KIFAP3: variants seen among roughly 807,000 people sequenced by gnomAD.
KIFAP3 encodes kinesin-associated protein 3.
In KIFAP3, 68 loss-of-function variants were observed where a neutral mutation model predicts 106.5. That is an observed-to-expected ratio of 0.64 (90% CI 0.53 to 0.78). The LOEUF is 0.78. Ranked by LOEUF, KIFAP3 falls within the 30% of genes least tolerant of loss-of-function variation. The pLI, the probability that KIFAP3 is intolerant of heterozygous loss-of-function variation, is 0.00. For missense variants in KIFAP3, 780 were observed against 941.8 expected (o/e 0.83, Z 2.25); for synonymous variants, 320 against 311.5 (o/e 1.03, Z -0.29).
At chr1:169,973,066 A>T (rs551943242) in intron 16 of KIFAP3, among the ~76,000 whole-genome samples, 1 of 140,920 alleles carries the variant, frequency 7.1e-6, no homozygotes, top group South Asian at 2.3e-4. Flanking sequence ...CTGCAACCTA[A>T]AATATCAAAA....
At chr1:169,955,936 A>G (rs1664991927) in intron 18 of KIFAP3, among the ~76,000 whole-genome samples, 1 of 152,202 alleles carries the variant, frequency 6.6e-6, no homozygotes, top group African/African-American at 2.4e-5. Context: ...CAGTAAAGCA[A>G]TGTAAAAAAA....
intron 12 of KIFAP3, 68 bp downstream of exon 12, chr1:169,984,514 A>T: frequency 1.6e-6 from 1 of 644,752 alleles, no homozygotes; most frequent in Non-Finnish European, 2.8e-6. Context: ...TTAATTCCTT[A>T]TATCTATTTT....
intron 16 of KIFAP3, among the ~76,000 whole-genome samples, chr1:169,974,013 T>C (rs771723361): frequency 4.0e-5 from 6 of 151,838 alleles, no homozygotes; most frequent in Non-Finnish European, 8.8e-5. Flanking sequence ...AATTATCATA[T>C]TGGATAGCAA....
At chr1:169,978,249 G>A (rs748887469) in intron 15 of KIFAP3, 66 bp from the exon 16 acceptor site, 8 of 1,050,982 alleles carry the variant, frequency 7.6e-6, no homozygotes, top group African/African-American at 1.6e-5. Context: ...AAATAATTGA[G>A]GGGAATAATA....
intron 16 of KIFAP3, among the ~76,000 whole-genome samples, chr1:169,973,105 G>GTGTGTGTATATATATATATATATATATA (rs145406203): frequency 1.4e-4 from 13 of 90,312 alleles, no homozygotes; most frequent in African/African-American, 5.0e-4. Context: ...AAAATAGTGT[G>GTGTGTGTATATATATATATATATATATA]TATATATATA....
chr1:169,934,159 C>T (rs1484654805), intron 19 of KIFAP3, among the ~76,000 whole-genome samples: 1 of 152,126 alleles, frequency 6.6e-6, no homozygotes, highest in East Asian at 1.9e-4. Flanking sequence ...TCATACTTGG[C>T]ATGCTTCATA....
At chr1:170,048,134 A>G (rs1288254871) in intron 2 of KIFAP3, among the ~76,000 whole-genome samples, 2 of 152,170 alleles carry the variant, frequency 1.3e-5, no homozygotes, top group East Asian at 3.9e-4. Context: ...CTTAGATATT[A>G]TTCCCAGCTA....
At chr1:170,078,470 G>T (rs1671963499), upstream of KIFAP3, among the ~76,000 whole-genome samples, 1 of 152,020 alleles carries the variant, frequency 6.6e-6, no homozygotes, top group Non-Finnish European at 1.5e-5. Context: ...ACTAATATCT[G>T]AAATGAAAGA....
At chr1:169,944,777 C>T (rs1025462364) in intron 19 of KIFAP3, among the ~76,000 whole-genome samples, 1 of 152,140 alleles carries the variant, frequency 6.6e-6, no homozygotes, top group Non-Finnish European at 1.5e-5. Flanking sequence ...TTACAGCAAG[C>T]AGGTAATCCC....
intron 8 of KIFAP3, among the ~76,000 whole-genome samples, chr1:170,025,743 G>C (rs758119854): frequency 6.6e-6 from 1 of 152,138 alleles, no homozygotes; most frequent in African/African-American, 2.4e-5. Flanking sequence ...AAGTCTATCA[G>C]AATCCAAAGC....
At chr1:169,945,155 GC>G (rs1028266897) in intron 19 of KIFAP3, among the ~76,000 whole-genome samples, 1 of 147,112 alleles carries the variant, frequency 6.8e-6, no homozygotes, top group African/African-American at 2.5e-5. Flanking sequence ...GCGGGGGGGG[GC>G]TGGTGTGTCA....
chr1:169,998,399 T>TATAC (rs1491138097), intron 10 of KIFAP3, among the ~76,000 whole-genome samples: 6 of 97,768 alleles, frequency 6.1e-5, no homozygotes, highest in Non-Finnish European at 1.2e-4. Flanking sequence ...TATATATATA[T>TATAC]ACACACACAC....
At chr1:170,013,258 CTG>C in intron 10 of KIFAP3, among the ~76,000 whole-genome samples, 1 of 152,122 alleles carries the variant, frequency 6.6e-6, no homozygotes, top group Admixed American at 6.6e-5. Context: ...CCTAAGATAA[CTG>C]TGTATGAAAT....
chr1:170,043,733 A>G (rs1218674348), intron 3 of KIFAP3, among the ~76,000 whole-genome samples: 2 of 152,178 alleles, frequency 1.3e-5, no homozygotes, highest in Non-Finnish European at 2.9e-5. Flanking sequence ...AGTAAAAATA[A>G]GGGGAAAAGA....
intron 11 of KIFAP3, among the ~76,000 whole-genome samples, chr1:169,991,496 T>C (rs1005032841): frequency 1.2e-4 from 18 of 152,194 alleles, no homozygotes; most frequent in African/African-American, 4.3e-4. Context: ...CACTGCATAT[T>C]TAGAAGAACA....
At chr1:170,042,004 G>T (rs1346295376) in intron 3 of KIFAP3, 2 of 252,986 alleles carry the variant, frequency 7.9e-6, no homozygotes, top group East Asian at 1.8e-4. Context: ...TGTCCTGTTT[G>T]TGTGTGGGGA....
intron 1 of KIFAP3, chr1:170,067,629 G>A (rs1671508599): frequency 6.6e-6 from 1 of 152,252 alleles, no homozygotes; most frequent in Admixed American, 6.5e-5. Flanking sequence ...TTGTCTGATT[G>A]TTTTGCAACT....
In KIFAP3 at chr1:170,038,197, T is replaced by G. The variant is rs1571710871; in HGVS notation, c.517+93A>C. ...TTAAGAAATCTGAGTAAGAAAGAAA[T>G]AAAGAGCTGGAAAATATATGAAGTC... is the stretch of plus-strand genomic sequence containing the variant. On this transcript the variant is annotated intron_variant, in intron 5 of 19. Coordinates refer to ENST00000361580, the MANE Select transcript of KIFAP3 (RefSeq NM_014970.4). 4.8e-5 allele frequency: 47 copies of G among 984,972 alleles called. 1 individual carries two copies. In the South Asian group the frequency reaches 7.9e-4, roughly 16 times the overall value. The allele number at this position is 984,972 out of a possible 1,614,324, so 61.0% of individuals were successfully genotyped here.
upstream of KIFAP3, among the ~76,000 whole-genome samples, chr1:170,078,517 T>C (rs537362596): frequency 6.6e-6 from 1 of 152,296 alleles, no homozygotes; most frequent in Non-Finnish European, 1.5e-5. Context: ...ATAAAAATGA[T>C]AATTTGAAAA....
Sources: gnomAD v4.1 joint callset for allele counts (sites outside exome capture counted in the v4.1 genomes callset) on GRCh38, gnomAD v4.1.1 for gene constraint, MANE v1.5 for transcripts, NCBI Gene and HGNC (gene_info 2026-07-23, HGNC 2026-07-21) for gene names.